Variants in MYH15 observed in about 807,000 individuals in gnomAD.
MYH15 encodes the protein myosin heavy chain 15.
Under a neutral mutation model 240.5 loss-of-function variants are expected in MYH15, and 227 were observed. The ratio of observed to expected loss-of-function variants is 0.94; its 90% CI spans 0.85 to 1.05. MYH15 has a LOEUF of 1.05. MYH15 is among the 50% of genes least tolerant of loss of function. MYH15 has a pLI of 0.00. For synonymous variants in MYH15, 785 were observed against 796.7 expected, an observed-to-expected ratio of 0.99 and a Z score of 0.25; for missense variants, 2,217 against 2,247.5, an observed-to-expected ratio of 0.99 and a Z score of 0.27.
chr3:108,463,016 A>G, intron 16 of MYH15, 95 bp downstream of exon 16: 9 of 1,390,680 alleles, frequency 6.5e-6, no homozygotes, highest in Non-Finnish European at 8.8e-6. Flanking sequence ...GAGCAGAAAC[A>G]TATCACAGGA....
At chr3:108,408,169 A>G in intron 32 of MYH15, 111 bp downstream of exon 32, 1 of 1,241,994 alleles carries the variant, frequency 8.1e-7, no homozygotes, top group South Asian at 1.5e-5. Flanking sequence ...CCTAGCATAT[A>G]GTAAATAAAC....
rs188130388 is a variant in MYH15 at position 108,443,266 on chromosome 3, G to A, written c.2655+1374C>T. ...GTAGAATCACTGCTATGTTAAATACGTATCAGAAATGGGGGTTTGGGTGTA... is the reference window on the plus strand; with the variant it reads ...GTAGAATCACTGCTATGTTAAATACATATCAGAAATGGGGGTTTGGGTGTA... On this transcript the variant is annotated intron_variant, in intron 22 of 40. Transcript: ENST00000693548. Among the ~76,000 whole-genome samples the A allele has an allele frequency of 3.0e-3, 457 of 152,250 alleles. 9 individuals carry two copies. Among genetic ancestry groups the A allele is most frequent in the Non-Finnish European group, 2.5e-3 (169 of 68,012 alleles).
chr3:108,505,957 CA>C, intron 1 of MYH15, 128 bp from the exon 2 acceptor site: 3 of 558,228 alleles, frequency 5.4e-6, no homozygotes, highest in Admixed American at 6.2e-5. Flanking sequence ...CAGGAACTTG[CA>C]AAGTCAGATA....
chr3:108,488,592 G>A (rs1240714515), intron 9 of MYH15, among the ~76,000 whole-genome samples: 1 of 152,190 alleles, frequency 6.6e-6, no homozygotes, highest in Non-Finnish European at 1.5e-5. Context: ...ACAGTCATGA[G>A]CTACCATACC....
chr3:108,431,124 A>G (rs1024644083), intron 25 of MYH15, among the ~76,000 whole-genome samples: 23 of 152,234 alleles, frequency 1.5e-4, no homozygotes, highest in Non-Finnish European at 3.2e-4. Flanking sequence ...CAATTATTAT[A>G]TATCAATAAA....
intron 28 of MYH15, among the ~76,000 whole-genome samples, chr3:108,417,853 A>G (rs1459576018): frequency 6.6e-6 from 1 of 152,004 alleles, no homozygotes; most frequent in African/African-American, 2.4e-5. Flanking sequence ...ACACACATAT[A>G]TACACACCTA....
intron 1 of MYH15, among the ~76,000 whole-genome samples, chr3:108,528,038 A>T (rs1474037996): frequency 6.6e-6 from 1 of 152,130 alleles, no homozygotes; most frequent in African/African-American, 2.4e-5. Flanking sequence ...TTTTGTAAGA[A>T]CCCACTTCCT....
At chr3:108,492,344 A>T (rs114498804) in intron 9 of MYH15, among the ~76,000 whole-genome samples, 156 bp downstream of exon 9, 2 of 152,176 alleles carry the variant, frequency 1.3e-5, no homozygotes, top group African/African-American at 4.8e-5. Context: ...ATACAACACT[A>T]GTTCTATAAT....
chr3:108,498,573 G>A (rs2107233738), intron 5 of MYH15, among the ~76,000 whole-genome samples: 1 of 152,244 alleles, frequency 6.6e-6, no homozygotes, highest in East Asian at 1.9e-4. Flanking sequence ...TGGGCTTTAG[G>A]CTTTACCTTA....
At position 108,456,703 on chromosome 3, in the gene MYH15, C is replaced by T. The variant is rs543368856; in HGVS notation, c.2138+63G>A. 1,086 of 1,231,586 alleles carry T rather than the reference C, an allele frequency of 8.8e-4. 2 individuals are homozygous for T. Among genetic ancestry groups the T allele is most frequent in the Non-Finnish European group, 1.2e-3 (992 of 836,880 alleles). 76.3% of individuals were successfully genotyped at this position (1,231,586 alleles called of 1,614,324 possible). ...AACAAACAATGCATGCCTAAACACT[C>T]GGAAAGGGAGGAAAACAGAATGAAC... On this transcript the variant is annotated intron_variant, in intron 19 of 40. Coordinates refer to ENST00000693548, the MANE Select transcript of MYH15 (RefSeq NM_014981.3).
At chr3:108,456,948 A>G in intron 18 of MYH15, 65 bp from the exon 19 acceptor site, 1 of 1,163,662 alleles carries the variant, frequency 8.6e-7, no homozygotes, top group Non-Finnish European at 1.3e-6. Flanking sequence ...CAGATTTTGA[A>G]CCAATTGCTG....
chr3:108,489,119 T>C (rs73850503), intron 9 of MYH15, among the ~76,000 whole-genome samples: 19,614 of 152,278 alleles, frequency 0.13, 1,391 homozygotes, highest in South Asian at 0.27. Flanking sequence ...AGTTGTTTTC[T>C]TGCTATTGAG....
chr3:108,440,427 G>GACA (rs2082875776), intron 23 of MYH15, among the ~76,000 whole-genome samples: 1 of 152,126 alleles, frequency 6.6e-6, no homozygotes, highest in Non-Finnish European at 1.5e-5. Flanking sequence ...AAAAATAAGA[G>GACA]TGCTACTTAA....
intron 35 of MYH15, 27 bp downstream of exon 35, chr3:108,398,610 C>T: frequency 6.2e-7 from 1 of 1,609,048 alleles, no homozygotes; most frequent in African/African-American, 1.3e-5. Context: ...ACTGGCCCAG[C>T]TAATAGGGAG....
chr3:108,520,944 T>C (rs2083613548), intron 1 of MYH15, among the ~76,000 whole-genome samples: 1 of 152,122 alleles, frequency 6.6e-6, no homozygotes, highest in Non-Finnish European at 1.5e-5. Context: ...ATAACAACCT[T>C]GTAAGATAGG....
chr3:108,482,949 C>T (rs982299048), intron 11 of MYH15, among the ~76,000 whole-genome samples: 1 of 152,116 alleles, frequency 6.6e-6, no homozygotes, highest in Non-Finnish European at 1.5e-5. Context: ...AATCCCAGCA[C>T]TTTGGGAGGC....
At chr3:108,468,756 T>C (rs568515564) in intron 14 of MYH15, among the ~76,000 whole-genome samples, 4 of 152,212 alleles carry the variant, frequency 2.6e-5, no homozygotes, top group Non-Finnish European at 5.9e-5. Context: ...TCAGTAACAT[T>C]CACAGAACTT....
chr3:108,445,234 G>A (rs1227632194), intron 21 of MYH15, among the ~76,000 whole-genome samples: 1 of 152,178 alleles, frequency 6.6e-6, no homozygotes, highest in Non-Finnish European at 1.5e-5. Context: ...TTTATGGAAG[G>A]AGGAAACAAG....
intron 1 of MYH15, among the ~76,000 whole-genome samples, chr3:108,518,679 C>T (rs1320286786): frequency 6.6e-6 from 1 of 152,194 alleles, no homozygotes; most frequent in African/African-American, 2.4e-5. Context: ...CACTCTCTGA[C>T]CTCTGGGTGT....
Sources: allele counts gnomAD v4.1 joint callset (sites outside exome capture counted in the v4.1 genomes callset), GRCh38; gene constraint gnomAD v4.1.1; transcripts MANE v1.5; gene names NCBI Gene and HGNC (gene_info 2026-07-23, HGNC 2026-07-21).